NEK6: variants seen among roughly 807,000 people sequenced by gnomAD.
The protein encoded by NEK6 is serine/threonine-protein kinase Nek6.
In NEK6, 27 loss-of-function variants were observed where a neutral mutation model predicts 43.5. That is an observed-to-expected ratio of 0.62 (90% confidence interval 0.46 to 0.86). The LOEUF (loss-of-function observed/expected upper bound fraction) is 0.86. Among genes scored for constraint, NEK6 ranks in the 40% least tolerant of loss-of-function variants. The pLI, the probability that NEK6 is intolerant of heterozygous loss-of-function variation, is 0.00. For missense variants in NEK6, 318 were observed against 414.4 expected, an observed-to-expected ratio of 0.77 and a Z score of 2.02; for synonymous variants, 167 against 164.1, an observed-to-expected ratio of 1.02 and a Z score of -0.14.
At chr9:124,335,489 A>T (rs1251884206) in intron 7 of NEK6, among the ~76,000 whole-genome samples, 1 of 152,172 alleles carries the variant, frequency 6.6e-6, no homozygotes, top group Non-Finnish European at 1.5e-5. Flanking sequence ...CATGAAAAGG[A>T]GCTTGGTATC....
At chr9:124,323,544 C>T (rs2130927943) in intron 5 of NEK6, among the ~76,000 whole-genome samples, 1 of 152,298 alleles carries the variant, frequency 6.6e-6, no homozygotes, top group Middle Eastern at 3.4e-3. Flanking sequence ...CCTGCTGCCA[C>T]ACGGGAACGC....
At chr9:124,269,731 T>C (rs1455839184) in intron 1 of NEK6, among the ~76,000 whole-genome samples, 7 of 152,206 alleles carry the variant, frequency 4.6e-5, no homozygotes, top group Admixed American at 4.6e-4. Context: ...GAAGGGCCAC[T>C]GCAGCCCGGT....
intron 1 of NEK6, among the ~76,000 whole-genome samples, chr9:124,272,762 A>C (rs1831499807): frequency 6.6e-6 from 1 of 152,124 alleles, no homozygotes; most frequent in Non-Finnish European, 1.5e-5. Flanking sequence ...GGTGACCTTG[A>C]GAGTCAGGTC....
At chr9:124,336,058 G>A (rs1196244169) in intron 7 of NEK6, among the ~76,000 whole-genome samples, 1 of 152,140 alleles carries the variant, frequency 6.6e-6, no homozygotes, top group African/African-American at 2.4e-5. Context: ...GGCCAACGTG[G>A]TAAAACCCAT....
At chr9:124,335,402 G>GT (rs1829237134) in intron 7 of NEK6, among the ~76,000 whole-genome samples, 1 of 152,230 alleles carries the variant, frequency 6.6e-6, no homozygotes, top group African/African-American at 2.4e-5. Context: ...CGCTCATCAA[G>GT]TATGCATAGA....
rs774255179 is a variant in NEK6, at chr9:124,292,931, C to T, written c.-29-9005C>T. On this transcript the variant is annotated intron_variant, in intron 1 of 9. Transcript: ENST00000320246. ...TGACGGGGTGAGTCCAGGAAGGCTG[C>T]CTGGAGGAGATGCCCAGGAGAGAAG... 5.8e-6 allele frequency: 9 copies of T among 1,550,998 alleles called. No homozygotes were observed. The Admixed American group carries it at 1.6e-4, about 27-fold the overall frequency.
chr9:124,325,256 C>T (rs1834277444), intron 5 of NEK6, among the ~76,000 whole-genome samples: 1 of 152,178 alleles, frequency 6.6e-6, no homozygotes, highest in African/African-American at 2.4e-5. Context: ...CCTCTTTCTA[C>T]GTGGCCCTCA....
intron 1 of NEK6, among the ~76,000 whole-genome samples, chr9:124,287,911 TA>T (rs1405024652): frequency 3.3e-5 from 5 of 152,220 alleles, no homozygotes; most frequent in African/African-American, 1.2e-4. Flanking sequence ...AATCGTCATG[TA>T]AATATATAGG....
At chr9:124,285,997 G>A (rs1461047392) in intron 1 of NEK6, among the ~76,000 whole-genome samples, 3 of 152,202 alleles carry the variant, frequency 2.0e-5, no homozygotes, top group Admixed American at 6.5e-5. Context: ...AAGGGACTTC[G>A]CTGTGGTCAC....
At chr9:124,260,048 C>A (rs1288576308) in intron 1 of NEK6, among the ~76,000 whole-genome samples, 1 of 152,146 alleles carries the variant, frequency 6.6e-6, no homozygotes, top group Non-Finnish European at 1.5e-5. Flanking sequence ...CGTTGGTCTT[C>A]TGTGACAGAA....
In NEK6 at chr9:124,343,083, T is replaced by C. The variant is rs1028525050; in HGVS notation, c.717+3418T>C. Among the ~76,000 whole-genome samples the C allele has an allele frequency of 4.6e-5, 7 of 152,126 alleles. No individual in the cohort carries two copies. The highest frequency in any genetic ancestry group is 1.2e-4 in the African/African-American group (5 of 41,446). ...GGGCAGTCCTCCTCCGAGTCCTCAT[T>C]TGTGGGCACCTAAATGTGCATCTCA... On this transcript the variant is annotated intron_variant, in intron 8 of 9. Transcript: ENST00000320246. The surrounding 1 kb of genome is among the most constrained non-coding windows in gnomAD (Gnocchi z 5.1).
intron 1 of NEK6, chr9:124,258,302 G>A (rs1326799052): frequency 8.1e-6 from 8 of 985,218 alleles, no homozygotes; most frequent in Non-Finnish European, 9.6e-6. Context: ...GTGTCCCGGG[G>A]TGTGCGCGTC....
At chr9:124,321,168 G>C (rs1010140264) in intron 4 of NEK6, among the ~76,000 whole-genome samples, 4 of 152,230 alleles carry the variant, frequency 2.6e-5, no homozygotes, top group African/African-American at 9.7e-5. Context: ...CGGCTGCCCT[G>C]TTACACATTT....
At chr9:124,265,333 C>T (rs1831189948) in intron 1 of NEK6, among the ~76,000 whole-genome samples, 1 of 152,124 alleles carries the variant, frequency 6.6e-6, no homozygotes, top group Non-Finnish European at 1.5e-5. Flanking sequence ...ACCAGCCTGA[C>T]CAATATGGTG....
At chr9:124,260,017 TTC>T (rs143456113) in intron 1 of NEK6, among the ~76,000 whole-genome samples, 21,842 of 151,912 alleles carry the variant, frequency 0.14, 1,664 homozygotes, top group East Asian at 0.17. Context: ...CTGGGAGCCG[TTC>T]TAGGGGGTGT....
At chr9:124,325,994 G>C (rs909662444) in intron 5 of NEK6, among the ~76,000 whole-genome samples, 1 of 152,156 alleles carries the variant, frequency 6.6e-6, no homozygotes, top group Non-Finnish European at 1.5e-5. Context: ...TGTCCAGGAG[G>C]TTCTGGAAAA....
At chr9:124,264,335 C>T (rs942055203) in intron 1 of NEK6, among the ~76,000 whole-genome samples, 1 of 152,202 alleles carries the variant, frequency 6.6e-6, no homozygotes, top group Non-Finnish European at 1.5e-5. Context: ...CTGTAGTCAC[C>T]TCATGCAAGG....
intron 8 of NEK6, among the ~76,000 whole-genome samples, chr9:124,345,983 TC>T (rs1229925402): frequency 6.6e-6 from 1 of 152,078 alleles, no homozygotes; most frequent in African/African-American, 2.4e-5. Context: ...TCCTCACACT[TC>T]CCCTGCCTGG....
chr9:124,330,009 C>T (rs1828887916), intron 7 of NEK6, among the ~76,000 whole-genome samples: 1 of 152,218 alleles, frequency 6.6e-6, no homozygotes, highest in South Asian at 2.1e-4. Flanking sequence ...ACCTCATCTC[C>T]TAAGGCTGCT....
Sources: gnomAD v4.1 joint callset for allele counts (sites outside exome capture counted in the v4.1 genomes callset) on GRCh38, gnomAD v4.1.1 for gene constraint, Gnocchi (gnomAD v3.1) non-coding constraint, MANE v1.5 for transcripts, NCBI Gene and HGNC (gene_info 2026-07-23, HGNC 2026-07-21) for gene names.